ELAPOR1: variants seen among roughly 807,000 people sequenced by gnomAD.
ELAPOR1 encodes endosome/lysosome-associated apoptosis and autophagy regulator 1.
In ELAPOR1, 77 loss-of-function variants were observed where a neutral mutation model predicts 119.7. The ratio of observed to expected loss-of-function variants is 0.64; its 90% CI spans 0.54 to 0.78. The LOEUF (loss-of-function observed/expected upper bound fraction) is 0.78, where lower values mean the gene tolerates loss of function less well. Among genes scored for constraint, ELAPOR1 ranks in the 30% least tolerant of loss-of-function variants. The probability of loss-of-function intolerance (pLI) is 0.00; values close to 1 mark genes in which losing one functional copy is unlikely to be tolerated. For synonymous variants in ELAPOR1, 481 were observed against 487.2 expected, an observed-to-expected ratio of 0.99 and a Z score of 0.17; for missense variants, 1,115 against 1,270.4, an observed-to-expected ratio of 0.88 and a Z score of 1.86.
intron 17 of ELAPOR1, 133 bp from the exon 18 acceptor site, chr1:109,198,440 C>T: frequency 1.4e-6 from 1 of 729,640 alleles, no homozygotes; most frequent in Non-Finnish European, 2.3e-6. Context: ...CTGTGCACTC[C>T]CTGTGTGCCA....
intron 7 of ELAPOR1, among the ~76,000 whole-genome samples, chr1:109,183,809 G>A (rs922545980): frequency 2.6e-5 from 4 of 152,156 alleles, no homozygotes; most frequent in African/African-American, 4.8e-5. Context: ...TAGAGACAGG[G>A]TTTGCTATGT....
intron 1 of ELAPOR1, among the ~76,000 whole-genome samples, chr1:109,125,039 C>T (rs1648682987): frequency 3.3e-5 from 5 of 152,178 alleles, no homozygotes; most frequent in African/African-American, 9.7e-5. Flanking sequence ...AATGATTTTC[C>T]TGCCTCAGCC....
At chr1:109,129,595 G>GGAA (rs1198757404) in intron 1 of ELAPOR1, among the ~76,000 whole-genome samples, 1 of 152,218 alleles carries the variant, frequency 6.6e-6, no homozygotes, top group African/African-American at 2.4e-5. Context: ...AAGGGAACAA[G>GGAA]TGGTTGCCAG....
chr1:109,200,685 C>T, intron 20 of ELAPOR1, 50 bp from the exon 21 acceptor site: 1 of 1,578,002 alleles, frequency 6.3e-7, no homozygotes, highest in Non-Finnish European at 8.7e-7. Flanking sequence ...CTCTTTCCCC[C>T]TTATTCCCAC....
intron 1 of ELAPOR1, among the ~76,000 whole-genome samples, chr1:109,126,477 CT>C (rs998643748): frequency 1.7e-4 from 25 of 148,192 alleles, no homozygotes; most frequent in South Asian, 8.5e-4. Context: ...TAAAAAAGCA[CT>C]TTTTTTTTTT....
chr1:109,192,547 A>G, intron 13 of ELAPOR1, 64 bp from the exon 14 acceptor site: 2 of 1,532,664 alleles, frequency 1.3e-6, no homozygotes, highest in South Asian at 1.2e-5. Flanking sequence ...CTCTTTCTAG[A>G]GGCCTCAATT....
chr1:109,150,244 CA>C (rs961603625), intron 1 of ELAPOR1, among the ~76,000 whole-genome samples: 10 of 152,092 alleles, frequency 6.6e-5, no homozygotes, highest in African/African-American at 2.4e-4. Flanking sequence ...TAGGCCCTGC[CA>C]GGGGGACCAG....
chr1:109,177,321 G>A (rs1449214659), intron 7 of ELAPOR1, among the ~76,000 whole-genome samples: 5 of 135,454 alleles, frequency 3.7e-5, no homozygotes, highest in Non-Finnish European at 6.2e-5. Flanking sequence ...CTGGGCGGAG[G>A]GGCTCCTCAC....
chr1:109,117,148 A>G (rs908503222), intron 1 of ELAPOR1, among the ~76,000 whole-genome samples: 1 of 152,190 alleles, frequency 6.6e-6, no homozygotes, highest in African/African-American at 2.4e-5. Flanking sequence ...GTAATCAGGA[A>G]ACGGAGAGGT....
At chr1:109,199,570 C>G (rs1043151434) in intron 18 of ELAPOR1, among the ~76,000 whole-genome samples, 2 of 152,210 alleles carry the variant, frequency 1.3e-5, no homozygotes, top group Non-Finnish European at 2.9e-5. Flanking sequence ...GTTGATGAGA[C>G]AGCCATGCTG....
At chr1:109,202,271 C>T (rs1205634814) in intron 21 of ELAPOR1, among the ~76,000 whole-genome samples, 1 of 151,544 alleles carries the variant, frequency 6.6e-6, no homozygotes, top group African/African-American at 2.4e-5. Flanking sequence ...TGCCATCACA[C>T]CTGGCTAATT....
At chr1:109,177,812 G>A (rs1255075513) in intron 7 of ELAPOR1, among the ~76,000 whole-genome samples, 1 of 152,052 alleles carries the variant, frequency 6.6e-6, no homozygotes, top group East Asian at 1.9e-4. Context: ...CAGTTGGGCA[G>A]GGTTTGAATG....
chr1:109,191,628 G>A, intron 12 of ELAPOR1, 98 bp from the exon 13 acceptor site: 9 of 1,517,418 alleles, frequency 5.9e-6, no homozygotes, highest in African/African-American at 1.4e-5. Flanking sequence ...TTTAACAAGG[G>A]TCTCACCAAC....
chr1:109,133,689 A>G (rs1368625650), intron 1 of ELAPOR1, among the ~76,000 whole-genome samples: 1 of 152,196 alleles, frequency 6.6e-6, no homozygotes, highest in African/African-American at 2.4e-5. Flanking sequence ...TTTGTCTCAA[A>G]TTGGAATAGC....
chr1:109,141,939 A>G (rs552405017), intron 1 of ELAPOR1, among the ~76,000 whole-genome samples: 2 of 152,058 alleles, frequency 1.3e-5, no homozygotes, highest in Non-Finnish European at 2.9e-5. Flanking sequence ...TGCTAGGATT[A>G]TAGGCATGAG....
At chr1:109,120,397 A>AAAATAAAATAAAAT (rs1648319758) in intron 1 of ELAPOR1, among the ~76,000 whole-genome samples, 1 of 82,678 alleles carries the variant, frequency 1.2e-5, no homozygotes, top group African/African-American at 4.5e-5. Flanking sequence ...ACTCTGTCTT[A>AAAATAAAATAAAAT]AAATAAAATA....
At chr1:109,133,504 A>G (rs561226380) in intron 1 of ELAPOR1, among the ~76,000 whole-genome samples, 1 of 152,326 alleles carries the variant, frequency 6.6e-6, no homozygotes, top group South Asian at 2.1e-4. Context: ...AGAGGAAGAC[A>G]TTGCAGAGAG....
intron 1 of ELAPOR1, among the ~76,000 whole-genome samples, chr1:109,141,985 C>A (rs2101000569): frequency 6.6e-6 from 1 of 152,104 alleles, no homozygotes; most frequent in East Asian, 1.9e-4. Flanking sequence ...TCTTTGACAT[C>A]CAGAATACAT....
intron 15 of ELAPOR1, among the ~76,000 whole-genome samples, chr1:109,195,507 A>C (rs540038344): frequency 3.5e-4 from 50 of 144,114 alleles, no homozygotes; most frequent in African/African-American, 1.0e-3. Context: ...AAAAAAAAAA[A>C]ACAAAAAAGC....
Sources: allele counts gnomAD v4.1 joint callset (sites outside exome capture counted in the v4.1 genomes callset), GRCh38; gene constraint gnomAD v4.1.1; transcripts MANE v1.5; gene names NCBI Gene and HGNC (gene_info 2026-07-23, HGNC 2026-07-21).